Variants in PPP1R9A observed in about 807,000 individuals in gnomAD.
PPP1R9A encodes the protein protein phosphatase 1 regulatory subunit 9A.
PPP1R9A carries 59 observed loss-of-function variants against 141.9 expected under a neutral mutation model. The ratio of observed to expected loss-of-function variants is 0.42; its 90% confidence interval spans 0.34 to 0.52. The LOEUF (loss-of-function observed/expected upper bound fraction) is 0.52, where lower values mean the gene tolerates loss of function less well. Among genes scored for constraint, PPP1R9A ranks in the 20% least tolerant of loss-of-function variants. The pLI is 0.10. For synonymous variants in PPP1R9A, 500 were observed against 569.7 expected, an observed-to-expected ratio of 0.88 and a Z score of 1.74; for missense variants, 1,444 against 1,611.9, an observed-to-expected ratio of 0.90 and a Z score of 1.78.
At position 94,945,813 on chromosome 7, in the gene PPP1R9A, A is replaced by G. The variant is rs376552729; in HGVS notation, c.1395+34305A>G. 1.4e-4 allele frequency among the ~76,000 whole-genome samples: 21 copies of G among 152,188 alleles called. No homozygotes were observed. The East Asian group carries it at 3.5e-3, about 25-fold the overall frequency. ...AGAATTTGTTAAGAGGCTTACTTAT[A>G]TACTTATGTATAGAGTTTAATTCTT... is the stretch of plus-strand genomic sequence containing the variant. On this transcript the variant is annotated intron_variant, in intron 2 of 19. Coordinates refer to ENST00000433360, the MANE Select transcript of PPP1R9A (RefSeq NM_001166160.2).
At chr7:94,959,522 C>T (rs950978132) in intron 2 of PPP1R9A, among the ~76,000 whole-genome samples, 2 of 151,452 alleles carry the variant, frequency 1.3e-5, no homozygotes, top group Non-Finnish European at 3.0e-5. Context: ...CCATTTAAAA[C>T]TCTATACATT....
intron 12 of PPP1R9A, among the ~76,000 whole-genome samples, chr7:95,261,562 AT>A (rs950776102): frequency 3.3e-5 from 5 of 152,080 alleles, no homozygotes; most frequent in Non-Finnish European, 5.9e-5. Flanking sequence ...TCAGGTATTA[AT>A]TTTTGGTTTT....
intron 2 of PPP1R9A, among the ~76,000 whole-genome samples, chr7:94,992,181 G>A (rs1801599113): frequency 6.6e-6 from 1 of 152,054 alleles, no homozygotes; most frequent in Admixed American, 6.6e-5. Context: ...CTACTGATAC[G>A]CTTCCTGTCA....
chr7:95,111,147 A>T (rs1820481144), intron 2 of PPP1R9A, 112 bp from the exon 3 acceptor site: 2 of 1,164,576 alleles, frequency 1.7e-6, no homozygotes, highest in Admixed American at 5.4e-5. Context: ...TAAAGACAAA[A>T]CAGTTGTTTA....
chr7:95,288,063 A>G (rs889841432), intron 18 of PPP1R9A, among the ~76,000 whole-genome samples: 1 of 152,182 alleles, frequency 6.6e-6, no homozygotes, highest in African/African-American at 2.4e-5. Flanking sequence ...TGCTCAAGTG[A>G]AATAATGGTT....
chr7:95,240,731 ATTCT>A (rs1428678705), intron 8 of PPP1R9A, among the ~76,000 whole-genome samples: 2 of 151,998 alleles, frequency 1.3e-5, no homozygotes, highest in Non-Finnish European at 2.9e-5. Flanking sequence ...CTTACTCTTC[ATTCT>A]TTCTCGCTTT....
intron 7 of PPP1R9A, among the ~76,000 whole-genome samples, chr7:95,219,716 G>A (rs970150055): frequency 6.6e-6 from 1 of 152,040 alleles, no homozygotes; most frequent in South Asian, 2.1e-4. Context: ...TGGATATTTT[G>A]CATATTTCAT....
intron 5 of PPP1R9A, among the ~76,000 whole-genome samples, chr7:95,181,722 TATATATAGAATATATATATATTCCGTCAC>T (rs1833872933): frequency 7.5e-6 from 1 of 132,554 alleles, no homozygotes; most frequent in Non-Finnish European, 1.6e-5. Context: ...TTCCGTCACA[TATATATAGAATATATATATATTCCGTCAC>T]ATATATATAG....
intron 2 of PPP1R9A, among the ~76,000 whole-genome samples, chr7:95,094,879 C>CA (rs1166550834): frequency 0.061 from 2,717 of 44,746 alleles, 250 homozygotes; most frequent in East Asian, 0.13. Context: ...GACTGCGTCT[C>CA]AAAAAAAAAA....
At chr7:95,255,069 A>T (rs16868732) in intron 12 of PPP1R9A, among the ~76,000 whole-genome samples, 12 of 151,914 alleles carry the variant, frequency 7.9e-5, no homozygotes, top group South Asian at 2.1e-4. Flanking sequence ...ATTCTAGTTT[A>T]TATCAATGTG....
chr7:95,066,366 G>T (rs940451507), intron 2 of PPP1R9A, among the ~76,000 whole-genome samples: 7 of 152,128 alleles, frequency 4.6e-5, no homozygotes, highest in African/African-American at 1.4e-4. Context: ...GTGGTATTTT[G>T]TTATGGCAGC....
At chr7:95,195,797 TC>T (rs1010188495) in intron 5 of PPP1R9A, among the ~76,000 whole-genome samples, 11 of 150,816 alleles carry the variant, frequency 7.3e-5, no homozygotes, top group African/African-American at 2.7e-4. Context: ...ATGCCTGTAA[TC>T]CCAGCACTTT....
At chr7:95,146,845 C>T (rs1309885982) in intron 4 of PPP1R9A, among the ~76,000 whole-genome samples, 1 of 152,078 alleles carries the variant, frequency 6.6e-6, no homozygotes, top group African/African-American at 2.4e-5. Flanking sequence ...TGTTGTGTTC[C>T]ATTGGCTTAT....
intron 2 of PPP1R9A, among the ~76,000 whole-genome samples, chr7:94,926,543 TG>T (rs1321811516): frequency 2.0e-5 from 3 of 152,192 alleles, no homozygotes; most frequent in African/African-American, 7.2e-5. Context: ...AGTATGTGAG[TG>T]TATCTATATT....
At chr7:95,244,651 G>A (rs1797877204) in intron 8 of PPP1R9A, among the ~76,000 whole-genome samples, 1 of 152,148 alleles carries the variant, frequency 6.6e-6, no homozygotes. Flanking sequence ...TGTGGAATCT[G>A]CCCTTTTGAT....
At chr7:95,121,661 A>G (rs1201179420) in intron 4 of PPP1R9A, among the ~76,000 whole-genome samples, 1 of 152,120 alleles carries the variant, frequency 6.6e-6, no homozygotes, top group Non-Finnish European at 1.5e-5. Context: ...TATATGGCTC[A>G]TGGTTCTGGA....
chr7:95,169,947 A>G (rs1471939497), intron 5 of PPP1R9A, among the ~76,000 whole-genome samples: 1 of 151,910 alleles, frequency 6.6e-6, no homozygotes, highest in Non-Finnish European at 1.5e-5. Flanking sequence ...AAATAAAAGC[A>G]GTAGATGAAA....
intron 2 of PPP1R9A, among the ~76,000 whole-genome samples, chr7:94,920,636 A>ATC (rs1318639505): frequency 2.0e-5 from 3 of 152,248 alleles, no homozygotes; most frequent in Non-Finnish European, 2.9e-5. Context: ...TTTATAAGTC[A>ATC]GATGAGTTTT....
In PPP1R9A at chr7:95,024,353, G is replaced by T. The variant is rs1806484680; in HGVS notation, c.1396-86906G>T. On this transcript the variant is annotated intron_variant, in intron 2 of 19. Coordinates refer to ENST00000433360, the MANE Select transcript of PPP1R9A (RefSeq NM_001166160.2). ...CTTGTTAATTTTCTGCCTCCTTGAG[G>T]TGTCTGATATACACAGTGGGGTGTT... Among the ~76,000 whole-genome samples, 4 of 152,034 alleles carry T rather than the reference G, an allele frequency of 2.6e-5. No homozygotes were observed. In the South Asian group the frequency reaches 8.3e-4, roughly 32 times the overall value.
Sources: gnomAD v4.1 joint callset for allele counts (sites outside exome capture counted in the v4.1 genomes callset) on GRCh38, gnomAD v4.1.1 for gene constraint, MANE v1.5 for transcripts, NCBI Gene and HGNC (gene_info 2026-07-23, HGNC 2026-07-21) for gene names.